The following VPS26B variants were observed in gnomAD, a reference collection of about 807,000 sequenced individuals.
VPS26B encodes the protein VPS26 retromer complex component B.
Under a neutral mutation model 33.3 loss-of-function variants are expected in VPS26B, and 10 were observed. The observed-to-expected ratio is 0.30, with a 90% CI of 0.19 to 0.51. VPS26B has a LOEUF of 0.51. VPS26B is among the 20% of genes least tolerant of loss of function. The probability of loss-of-function intolerance (pLI) is 0.98; values close to 1 mark genes in which losing one functional copy is unlikely to be tolerated. For synonymous variants in VPS26B, 190 were observed against 176.9 expected (o/e 1.07, Z -0.59); for missense variants, 317 against 452.7 (o/e 0.70, Z 2.72).
At position 134,240,269 on chromosome 11, in the gene VPS26B, C is replaced by T. The variant is rs1393297759; in HGVS notation, c.545+114C>T. The T allele has an allele frequency of 1.8e-5, 22 of 1,242,746 alleles. No homozygotes were observed. The highest frequency in any genetic ancestry group is 9.6e-5 in the East Asian group (4 of 41,704). 77.0% of individuals were successfully genotyped at this position (1,242,746 alleles called of 1,614,324 possible). ...GACTCGACTGCTTTGTGGTGGCATG[C>T]GGTGGGGGAAGACCGTGGGAGCAAT... On this transcript the variant is annotated intron_variant, in intron 3 of 5. Transcript: ENST00000281187. The surrounding 1 kb of genome is among the most constrained non-coding windows in gnomAD (Gnocchi z 4.4).
chr11:134,237,997 G>A (rs1180701593), intron 2 of VPS26B, among the ~76,000 whole-genome samples: 1 of 152,176 alleles, frequency 6.6e-6, no homozygotes, highest in African/African-American at 2.4e-5. Context: ...CAGAGGAAAA[G>A]GCCTTTAGCT....
chr11:134,238,324 A>G (rs1938664742), intron 2 of VPS26B, among the ~76,000 whole-genome samples: 1 of 152,196 alleles, frequency 6.6e-6, no homozygotes, highest in African/African-American at 2.4e-5. Context: ...TAAGGAACAA[A>G]GCAGAGGAAG....
chr11:134,239,311 T>C (rs1938682556), intron 2 of VPS26B, among the ~76,000 whole-genome samples: 1 of 152,164 alleles, frequency 6.6e-6, no homozygotes, highest in African/African-American at 2.4e-5. Context: ...GCATCTCAAT[T>C]AGCCCTTTCC....
At chr11:134,226,696 TC>T (rs1938480488) in intron 1 of VPS26B, among the ~76,000 whole-genome samples, 1 of 152,218 alleles carries the variant, frequency 6.6e-6, no homozygotes, top group Non-Finnish European at 1.5e-5. Flanking sequence ...CCTTGGGGAA[TC>T]TTTGTTAAAC....
intron 2 of VPS26B, among the ~76,000 whole-genome samples, chr11:134,237,449 G>A (rs1938649225): frequency 6.6e-6 from 1 of 152,222 alleles, no homozygotes; most frequent in Non-Finnish European, 1.5e-5. Flanking sequence ...TAGAGGGCAG[G>A]CTGAAATACT....
chr11:134,225,335 C>T lies in VPS26B; in HGVS notation c.213C>T (p.Ile71=). The stretch of plus-strand genomic sequence containing the variant: ...ACCAGGGCATCAAGATCGAGTTCAT[C>T]GGGCAGATCGGTGAGTCGACCCCCG... The part of the protein sequence containing the change: ...LEHQGIKIEF[I]GQIELYYDRG... The change falls in exon 1 of 6, where the codon ATC becomes ATT. Residue 71 remains isoleucine (I), a synonymous_variant. Transcript: ENST00000281187. 1 of 1,613,778 alleles carries T rather than the reference C, an allele frequency of 6.2e-7. No individual in the cohort carries two copies. Among genetic ancestry groups the T allele is most frequent in the Non-Finnish European group, 8.5e-7 (1 of 1,179,868 alleles).
chr11:134,230,600 T>A (rs767707490), intron 1 of VPS26B, among the ~76,000 whole-genome samples: 2 of 152,202 alleles, frequency 1.3e-5, no homozygotes, highest in Non-Finnish European at 2.9e-5. Context: ...TAAGGAAGTA[T>A]TAAAGCTGAT....
In VPS26B at chr11:134,240,589, T is replaced by C. The variant is rs1938702997; in HGVS notation, c.545+434T>C. Among the ~76,000 whole-genome samples, 1 of 152,208 alleles carries C rather than the reference T, an allele frequency of 6.6e-6. No homozygotes were observed. Among genetic ancestry groups the C allele is most frequent in the African/African-American group, 2.4e-5 (1 of 41,442 alleles). ...CCAAATATTGGCCATGATTTGCTGC[T>C]TCCTCCCTGAACTAAAATGAATTAT... On this transcript the variant is annotated intron_variant, in intron 3 of 5. Transcript: ENST00000281187. The surrounding 1 kb of genome is among the most constrained non-coding windows in gnomAD (Gnocchi z 4.4).
At chr11:134,234,845 G>T in intron 1 of VPS26B, 52 bp from the exon 2 acceptor site, 1 of 1,591,646 alleles carries the variant, frequency 6.3e-7, no homozygotes, top group Non-Finnish European at 8.6e-7. Flanking sequence ...ACTCGGCCCG[G>T]TGTAGCTCAG....
chr11:134,231,581 T>C (rs1326822063), intron 1 of VPS26B, among the ~76,000 whole-genome samples: 1 of 151,870 alleles, frequency 6.6e-6, no homozygotes, highest in African/African-American at 2.4e-5. Context: ...TTTTTTTTTT[T>C]TGAGACGGAG....
At chr11:134,237,821 G>A (rs980818057) in intron 2 of VPS26B, among the ~76,000 whole-genome samples, 2 of 152,202 alleles carry the variant, frequency 1.3e-5, no homozygotes, top group African/African-American at 4.8e-5. Context: ...CAGAAGCAAG[G>A]GGTTGGGAGG....
Position 134,246,052 on chromosome 11 carries a change from C to T in VPS26B, c.*462C>T, listed in dbSNP as rs150424848. 176 of 155,706 alleles carry T rather than the reference C, an allele frequency of 1.1e-3. 3 individuals carry two copies. In the East Asian group the frequency reaches 0.027, roughly 23 times the overall value. The allele number at this position is 155,706 out of a possible 1,614,324, so 9.6% of individuals were successfully genotyped here. The stretch of plus-strand genomic sequence containing the variant: ...GAGGTAGTGGCAGGAGTTGGGCCAG[C>T]CCCCACTAAGTGGCAGGGGAAGACT... On this transcript the variant is annotated 3_prime_UTR_variant, in exon 6 of 6. Coordinates refer to ENST00000281187, the MANE Select transcript of VPS26B (RefSeq NM_052875.5).
At chr11:134,235,262 C>T (rs1280484814) in intron 2 of VPS26B, 15 of 518,176 alleles carry the variant, frequency 2.9e-5, no homozygotes, top group Non-Finnish European at 4.3e-5. Flanking sequence ...CTGTAGTGTA[C>T]ATAGCCCCGC....
At chr11:134,242,252 G>A (rs1938737872) in intron 3 of VPS26B, among the ~76,000 whole-genome samples, 1 of 152,188 alleles carries the variant, frequency 6.6e-6, no homozygotes, top group Admixed American at 6.5e-5. Flanking sequence ...GCACAGAAGG[G>A]TGGTGTGAAA....
chr11:134,243,045 G>A (rs552791641), intron 3 of VPS26B, 74 bp from the exon 4 acceptor site: 4 of 1,497,864 alleles, frequency 2.7e-6, no homozygotes, highest in East Asian at 2.3e-5. Context: ...TGGCCGTGGC[G>A]TGTGCGCTCT....
intron 1 of VPS26B, among the ~76,000 whole-genome samples, chr11:134,232,343 G>A (rs1207731000): frequency 6.6e-6 from 1 of 152,224 alleles, no homozygotes; most frequent in Non-Finnish European, 1.5e-5. Context: ...CAAATAGGAA[G>A]CATCGCTGTG....
chr11:134,225,974 C>G (rs1053851485), intron 1 of VPS26B, among the ~76,000 whole-genome samples: 4 of 152,230 alleles, frequency 2.6e-5, no homozygotes, highest in Admixed American at 2.6e-4. Flanking sequence ...GGCTGCGTTT[C>G]TTAGACTTCT....
At position 134,240,774 on chromosome 11, in the gene VPS26B, C is replaced by CGTGTGTGT. The variant is rs145007065; in HGVS notation, c.545+630_545+637dup. On this transcript the variant is annotated intron_variant, in intron 3 of 5. Coordinates refer to ENST00000281187, the MANE Select transcript of VPS26B (RefSeq NM_052875.5). The surrounding 1 kb of genome is among the most constrained non-coding windows in gnomAD (Gnocchi z 4.4). ...CCGCCACACCCAGCTAATTTGTGTC[C>CGTGTGTGT]GTGTGTGTGTGTGTGTGTCCGTGTG... Among the ~76,000 whole-genome samples, 1 of 137,932 alleles carries CGTGTGTGT rather than the reference C, an allele frequency of 7.2e-6. No homozygotes were observed. The highest frequency in any genetic ancestry group is 1.6e-5 in the Non-Finnish European group (1 of 63,520). The allele number at this position is 137,932 out of a possible 152,430, so 90.5% of individuals were successfully genotyped here.
intron 4 of VPS26B, chr11:134,243,745 C>G (rs1216825720): frequency 6.5e-6 from 1 of 154,962 alleles, no homozygotes; most frequent in Non-Finnish European, 1.4e-5. Flanking sequence ...AGAAAGAGCA[C>G]TACTAGATAC....
Sources: allele counts gnomAD v4.1 joint callset (sites outside exome capture counted in the v4.1 genomes callset), GRCh38; gene constraint gnomAD v4.1.1; non-coding constraint Gnocchi (gnomAD v3.1); transcripts MANE v1.5; gene names NCBI Gene and HGNC (gene_info 2026-07-23, HGNC 2026-07-21).